Variants in THAP5 observed in about 807,000 individuals in gnomAD.
THAP5 encodes the protein THAP domain-containing protein 5.
THAP5 carries 26 observed loss-of-function variants against 34.0 expected under a neutral mutation model. The ratio of observed to expected loss-of-function variants is 0.77; its 90% CI spans 0.56 to 1.06. The LOEUF (loss-of-function observed/expected upper bound fraction) is 1.06, where lower values mean the gene tolerates loss of function less well. Among genes scored for constraint, THAP5 ranks in the 50% least tolerant of loss-of-function variants. THAP5 has a pLI of 0.00. For missense variants in THAP5, 394 were observed against 452.8 expected (o/e 0.87, Z 1.18); for synonymous variants, 125 against 153.0 (o/e 0.82, Z 1.35).
At chr7:108,555,168 AT>A (rs35410470) in intron 1 of THAP5, among the ~76,000 whole-genome samples, 47,427 of 146,462 alleles carry the variant, frequency 0.32, 7,706 homozygotes, top group African/African-American at 0.38. Context: ...TACAAACAAC[AT>A]TTTTTTTTTT....
At chr7:108,553,721 A>C (rs937869842), downstream of THAP5, among the ~76,000 whole-genome samples, 1 of 152,170 alleles carries the variant, frequency 6.6e-6, no homozygotes, top group African/African-American at 2.4e-5. Flanking sequence ...GTGGCAGAGA[A>C]CCTTGCTGAG....
Position 108,563,243 on chromosome 7 carries a change from A to C in THAP5, c.*948T>G, listed in dbSNP as rs1027765238. 6.6e-6 allele frequency: 1 copy of C among 152,162 alleles called. No homozygotes were observed. Among genetic ancestry groups the C allele is most frequent in the African/African-American group, 2.4e-5 (1 of 41,444 alleles). The allele number at this position is 152,162 out of a possible 1,614,324, so 9.4% of individuals were successfully genotyped here. On this transcript the variant is annotated 3_prime_UTR_variant, in exon 3 of 3. Coordinates refer to ENST00000415914, the MANE Select transcript of THAP5 (RefSeq NM_001130475.3). ...TTAGTTCAACTGGAATAAAATTATAAAAGTTCTATCTTGGCCAGGCGCGGT... is the reference window on the plus strand; with the variant it reads ...TTAGTTCAACTGGAATAAAATTATACAAGTTCTATCTTGGCCAGGCGCGGT...
the THAP5 span, among the ~76,000 whole-genome samples, chr7:108,547,514 T>C: frequency 7.9e-5 from 12 of 152,210 alleles, no homozygotes; most frequent in Non-Finnish European, 1.3e-4. Context: ...GACTTGAACT[T>C]ACATATTATT....
downstream of THAP5, among the ~76,000 whole-genome samples, chr7:108,552,980 G>A (rs573665793): frequency 6.6e-6 from 1 of 152,288 alleles, no homozygotes; most frequent in African/African-American, 2.4e-5. Context: ...AAGAGTTGGT[G>A]AAGAATGAAA....
At chr7:108,561,268 A>AT (rs34702798), downstream of THAP5, among the ~76,000 whole-genome samples, 60,359 of 147,968 alleles carry the variant, frequency 0.41, 14,027 homozygotes, top group African/African-American at 0.64. Context: ...ACAACATACC[A>AT]TTTTTTTTTT....
downstream of THAP5, among the ~76,000 whole-genome samples, chr7:108,554,209 A>C (rs996231473): frequency 3.3e-5 from 5 of 152,222 alleles, no homozygotes; most frequent in African/African-American, 9.6e-5. Context: ...TTCTTTATAA[A>C]TTACCCAGTC....
At chr7:108,546,466 C>G in the THAP5 span, among the ~76,000 whole-genome samples, 1 of 152,182 alleles carries the variant, frequency 6.6e-6, no homozygotes, top group African/African-American at 2.4e-5. Context: ...CTTACCCACA[C>G]CGCTGCCCCT....
At chr7:108,554,156 C>T (rs1305387017), downstream of THAP5, among the ~76,000 whole-genome samples, 1 of 152,002 alleles carries the variant, frequency 6.6e-6, no homozygotes, top group Admixed American at 6.6e-5. Context: ...TTTCTAGCCT[C>T]TAGAACTGTG....
At chr7:108,556,707 A>G (rs910228664) in intron 1 of THAP5, among the ~76,000 whole-genome samples, 5 of 152,184 alleles carry the variant, frequency 3.3e-5, no homozygotes, top group African/African-American at 1.2e-4. Context: ...GAGCTTTTCC[A>G]GGTGCATGGG....
chr7:108,542,167 T>C, the THAP5 span, among the ~76,000 whole-genome samples: 1 of 152,234 alleles, frequency 6.6e-6, no homozygotes, highest in African/African-American at 2.4e-5. Context: ...AGGATCTATA[T>C]CTATATCTAT....
intron 1 of THAP5, among the ~76,000 whole-genome samples, chr7:108,566,366 T>A (rs1246005874): frequency 1.3e-5 from 2 of 152,228 alleles, no homozygotes; most frequent in Non-Finnish European, 2.9e-5. Flanking sequence ...GCTGTACAGT[T>A]TGCCTAGAAC....
At chr7:108,567,001 T>C (rs1378432835) in intron 1 of THAP5, among the ~76,000 whole-genome samples, 1 of 152,298 alleles carries the variant, frequency 6.6e-6, no homozygotes, top group East Asian at 1.9e-4. Flanking sequence ...GTTTCTCATA[T>C]AAAATGTAGC....
At position 108,565,789 on chromosome 7, in the gene THAP5, G is replaced by T. The variant is rs116777148; in HGVS notation, c.273+41C>A. 9.7e-5 allele frequency: 138 copies of T among 1,417,838 alleles called. No individual in the cohort carries two copies. In the African/African-American group the frequency reaches 1.8e-3, roughly 19 times the overall value. 87.8% of individuals were successfully genotyped at this position (1,417,838 alleles called of 1,614,324 possible). On this transcript the variant is annotated intron_variant, in intron 2 of 2. Transcript: ENST00000415914. ...CTGATCACCTGCCACCCTGAAATCT[G>T]CCACTCTGCTCAGCATTACCCCTCT...
At chr7:108,560,638 GGAGA>G (rs1193963330), downstream of THAP5, among the ~76,000 whole-genome samples, 1 of 152,214 alleles carries the variant, frequency 6.6e-6, no homozygotes, top group Non-Finnish European at 1.5e-5. Flanking sequence ...GGTTTGGCTG[GGAGA>G]GAGAGTTTGA....
the THAP5 span, among the ~76,000 whole-genome samples, chr7:108,549,133 CTTT>C: frequency 1.5e-5 from 2 of 137,910 alleles, no homozygotes; most frequent in Non-Finnish European, 3.1e-5. Flanking sequence ...CACACAAGTA[CTTT>C]TTTTTTTTTT....
At position 108,569,572 on chromosome 7, in the gene THAP5, C is replaced by G; in HGVS notation, c.-3G>C. 1 of 1,551,406 alleles carries G rather than the reference C, an allele frequency of 6.4e-7. No homozygotes were observed. Among genetic ancestry groups the G allele is most frequent in the South Asian group, 1.2e-5 (1 of 84,050 alleles). On this transcript the variant is annotated 5_prime_UTR_variant, in exon 1 of 3. Transcript: ENST00000415914. ...ATCGCTGCGCAATAGCGGGGCATGA[C>G]TCGGGTGAGGCCCCTGGAGACCGGG...
the THAP5 span, among the ~76,000 whole-genome samples, chr7:108,543,314 C>T: frequency 6.6e-6 from 1 of 152,120 alleles, no homozygotes; most frequent in African/African-American, 2.4e-5. Flanking sequence ...TAGCAAATTG[C>T]TTTCCCAAGA....
chr7:108,546,477 GA>G, the THAP5 span, among the ~76,000 whole-genome samples: 1 of 152,304 alleles, frequency 6.6e-6, no homozygotes, highest in Middle Eastern at 3.4e-3. Context: ...CGCTGCCCCT[GA>G]AAAGTTCTGG....
intron 1 of THAP5, chr7:108,569,073 G>A: frequency 9.9e-7 from 1 of 1,009,502 alleles, no homozygotes; most frequent in South Asian, 3.9e-5. Context: ...AGAAAAGTGG[G>A]ATGAAATTAT....
Sources: allele counts gnomAD v4.1 joint callset (sites outside exome capture counted in the v4.1 genomes callset), GRCh38; gene constraint gnomAD v4.1.1; transcripts MANE v1.5; gene names NCBI Gene and HGNC (gene_info 2026-07-23, HGNC 2026-07-21).